The following PDSS1 variants were observed in gnomAD, a reference collection of about 807,000 sequenced individuals.
PDSS1 encodes all trans-polyprenyl-diphosphate synthase PDSS1.
PDSS1 carries 43 observed loss-of-function variants against 57.5 expected under a neutral mutation model. The observed-to-expected ratio is 0.75, with a 90% confidence interval of 0.59 to 0.96. The LOEUF (loss-of-function observed/expected upper bound fraction) is 0.96. Ranked by LOEUF, PDSS1 falls within the 50% of genes least tolerant of loss-of-function variation. The probability of loss-of-function intolerance (pLI) is 0.00; values close to 1 mark genes in which losing one functional copy is unlikely to be tolerated. For missense variants in PDSS1, 438 were observed against 527.8 expected, an observed-to-expected ratio of 0.83 and a Z score of 1.67; for synonymous variants, 175 against 191.3, an observed-to-expected ratio of 0.91 and a Z score of 0.70.
At chr10:26,702,807 A>G (rs568327965) in intron 2 of PDSS1, among the ~76,000 whole-genome samples, 1 of 152,302 alleles carries the variant, frequency 6.6e-6, no homozygotes, top group South Asian at 2.1e-4. Flanking sequence ...CTATGATTGC[A>G]CCACTGCACT....
At chr10:26,704,083 CAAA>C (rs1203931422) in intron 2 of PDSS1, among the ~76,000 whole-genome samples, 9 of 31,076 alleles carry the variant, frequency 2.9e-4, no homozygotes, top group East Asian at 3.6e-3. Context: ...CTCCGTCTCA[CAAA>C]AAAAAAAAAA....
intron 5 of PDSS1, chr10:26,715,982 G>T (rs1341827125): frequency 1.3e-5 from 2 of 152,172 alleles, no homozygotes; most frequent in East Asian, 1.9e-4. Flanking sequence ...ATATTCAGGG[G>T]TTGCTGCTTT....
intron 10 of PDSS1, among the ~76,000 whole-genome samples, chr10:26,739,773 G>A (rs545317819): frequency 2.0e-5 from 3 of 152,176 alleles, no homozygotes; most frequent in Non-Finnish European, 2.9e-5. Flanking sequence ...AGGCCCAGGC[G>A]AGAGGATCAC....
At chr10:26,736,501 C>T (rs1038363477) in intron 10 of PDSS1, among the ~76,000 whole-genome samples, 2 of 152,180 alleles carry the variant, frequency 1.3e-5, no homozygotes, top group African/African-American at 4.8e-5. Context: ...TCAGTCATGT[C>T]CTCCATAAAA....
At position 26,746,718 on chromosome 10, in the gene PDSS1, G is replaced by T. The variant is rs1564443200; in HGVS notation, c.*245G>T. The T allele has an allele frequency of 4.0e-6, 2 of 495,618 alleles. No homozygotes were observed. Among genetic ancestry groups the T allele is most frequent in the East Asian group, 7.2e-5 (2 of 27,796 alleles). The allele number at this position is 495,618 out of a possible 1,614,324, so 30.7% of individuals were successfully genotyped here. Reference sequence around the variant, plus strand: ...AAATTATAATCAAGGTATCTTGATGGTTATATGTGGTATTGTTTACACTGT... The same window carrying T: ...AAATTATAATCAAGGTATCTTGATGTTTATATGTGGTATTGTTTACACTGT... On this transcript the variant is annotated 3_prime_UTR_variant, in exon 12 of 12. Coordinates refer to ENST00000376215, the MANE Select transcript of PDSS1 (RefSeq NM_014317.5).
At chr10:26,735,393 T>C in intron 9 of PDSS1, 73 bp downstream of exon 9, 2 of 1,396,086 alleles carry the variant, frequency 1.4e-6, no homozygotes, top group East Asian at 2.3e-5. Context: ...TGTGTAATCG[T>C]CAAAATAGTA....
chr10:26,702,372 C>T (rs575817991), intron 2 of PDSS1, among the ~76,000 whole-genome samples, 178 bp downstream of exon 2: 8 of 152,112 alleles, frequency 5.3e-5, no homozygotes, highest in Admixed American at 6.5e-5. Flanking sequence ...AATTTTAATC[C>T]CCATGTGTCA....
intron 5 of PDSS1, among the ~76,000 whole-genome samples, chr10:26,712,892 T>C (rs956889409): frequency 2.0e-5 from 2 of 98,696 alleles, no homozygotes; most frequent in East Asian, 5.0e-4. Context: ...GGAGGGATAC[T>C]GTTTTAAACC....
At chr10:26,740,845 T>C in intron 10 of PDSS1, 1 of 351,326 alleles carries the variant, frequency 2.8e-6, no homozygotes, top group Non-Finnish European at 5.7e-6. Context: ...AGAGTTCGGA[T>C]CTAGGAAGTG....
intron 2 of PDSS1, among the ~76,000 whole-genome samples, chr10:26,703,417 A>G (rs1264583368): frequency 1.9e-5 from 2 of 106,850 alleles, no homozygotes; most frequent in Non-Finnish European, 4.6e-5. Context: ...AGGCTGTGGC[A>G]GGAGGATCAC....
At chr10:26,742,640 A>T in intron 11 of PDSS1, 63 bp downstream of exon 11, 1 of 932,202 alleles carries the variant, frequency 1.1e-6, no homozygotes. Context: ...CCTTTAATCC[A>T]AAAATGTAAC....
intron 6 of PDSS1, among the ~76,000 whole-genome samples, chr10:26,722,610 G>A (rs1032768119): frequency 4.6e-5 from 7 of 151,822 alleles, no homozygotes; most frequent in African/African-American, 1.7e-4. Context: ...AGGCTGAGGT[G>A]GGGGGATTGC....
At chr10:26,741,502 C>CAAAAA (rs935374603) in intron 10 of PDSS1, among the ~76,000 whole-genome samples, 3 of 141,270 alleles carry the variant, frequency 2.1e-5, no homozygotes, top group Non-Finnish European at 4.7e-5. Context: ...GGGGGAAAAA[C>CAAAAA]AACAAAAAAA....
chr10:26,735,178 G>T, intron 8 of PDSS1, 62 bp from the exon 9 acceptor site: 1 of 1,128,528 alleles, frequency 8.9e-7, no homozygotes, highest in Non-Finnish European at 1.4e-6. Context: ...CCTTCAGCCA[G>T]GGGTCAGCTG....
At chr10:26,701,591 G>A (rs1835053143) in intron 1 of PDSS1, among the ~76,000 whole-genome samples, 1 of 152,246 alleles carries the variant, frequency 6.6e-6, no homozygotes. Context: ...AAGGTGCACA[G>A]AAGACAACAA....
chr10:26,703,049 T>C (rs865779346), intron 2 of PDSS1, among the ~76,000 whole-genome samples: 1 of 152,226 alleles, frequency 6.6e-6, no homozygotes, highest in South Asian at 2.1e-4. Context: ...GTATTAAATG[T>C]ATATTGTGTA....
Position 26,740,759 on chromosome 10 carries a change from A to G in PDSS1, c.1027-1738A>G, listed in dbSNP as rs1355617296. 3 of 451,122 alleles carry G rather than the reference A, an allele frequency of 6.7e-6. No homozygotes were observed. The Admixed American group carries it at 7.2e-5, about 11-fold the overall frequency. The allele number at this position is 451,122 out of a possible 1,614,324, so 27.9% of individuals were successfully genotyped here. ...TGTTAGAGCTCAAGGGCTTCCAGTC[A>G]TGAAGATGAGAAGCCTAAGACCCCA... On this transcript the variant is annotated intron_variant, in intron 10 of 11. Coordinates refer to ENST00000376215, the MANE Select transcript of PDSS1 (RefSeq NM_014317.5).
rs146640704 is a variant in PDSS1 at position 26,724,473 on chromosome 10, C to T, written c.831+350C>T. ...ATCACACACACTCTTTCTGACACTT[C>T]ACCTTTTAGAAATGAAGTGCTCTGT... On this transcript the variant is annotated intron_variant, in intron 8 of 11. Coordinates refer to ENST00000376215, the MANE Select transcript of PDSS1 (RefSeq NM_014317.5). 3.5e-3 allele frequency among the ~76,000 whole-genome samples: 533 copies of T among 152,322 alleles called. 4 individuals are homozygous for T. Among genetic ancestry groups the T allele is most frequent in the African/African-American group, 0.012 (505 of 41,568 alleles).
chr10:26,722,912 T>TA (rs1835834454), intron 6 of PDSS1, among the ~76,000 whole-genome samples: 1 of 151,824 alleles, frequency 6.6e-6, no homozygotes. Flanking sequence ...TTTTTTTTTT[T>TA]GTCTAGGAAT....
Sources: gnomAD v4.1 joint callset for allele counts (sites outside exome capture counted in the v4.1 genomes callset) on GRCh38, gnomAD v4.1.1 for gene constraint, MANE v1.5 for transcripts, NCBI Gene and HGNC (gene_info 2026-07-23, HGNC 2026-07-21) for gene names.